The following SIN3A variants were observed in gnomAD, a reference collection of about 807,000 sequenced individuals.
SIN3A encodes SIN3 transcription regulator family member A.
Under a neutral mutation model 146.1 loss-of-function variants are expected in SIN3A, and 14 were observed. The observed-to-expected ratio is 0.10, with a 90% CI of 0.06 to 0.15. The LOEUF (loss-of-function observed/expected upper bound fraction) is 0.15, where lower values mean the gene tolerates loss of function less well. Among genes scored for constraint, SIN3A ranks in the 10% least tolerant of loss-of-function variants. The pLI is 1.00. For synonymous variants in SIN3A, 572 were observed against 572.0 expected, an observed-to-expected ratio of 1.00 and a Z score of 0.00; for missense variants, 1,028 against 1,576.0, an observed-to-expected ratio of 0.65 and a Z score of 5.89.
intron 12 of SIN3A, among the ~76,000 whole-genome samples, chr15:75,396,930 C>T (rs1402032122): frequency 6.6e-6 from 1 of 152,152 alleles, no homozygotes; most frequent in Non-Finnish European, 1.5e-5. Context: ...CAAACAATAA[C>T]AATCAAAACA....
chr15:75,422,558 G>A (rs766661237), intron 3 of SIN3A, 89 bp downstream of exon 3: 1 of 1,398,626 alleles, frequency 7.1e-7, no homozygotes, highest in South Asian at 1.2e-5. Flanking sequence ...TCTCAGGTTA[G>A]AAGTTGTACC....
At chr15:75,455,437 C>T (rs1476581516), upstream of SIN3A, among the ~76,000 whole-genome samples, 1 of 152,196 alleles carries the variant, frequency 6.6e-6, no homozygotes, top group Non-Finnish European at 1.5e-5. Flanking sequence ...GGGTCTCCTG[C>T]CCGCCCCTTC....
chr15:75,410,855 T>C (rs2073623743), intron 6 of SIN3A, among the ~76,000 whole-genome samples: 2 of 141,628 alleles, frequency 1.4e-5, no homozygotes, highest in Non-Finnish European at 3.1e-5. Flanking sequence ...GGCCAACATG[T>C]TGAAACCCCG....
intron 16 of SIN3A, chr15:75,388,406 C>G (rs1168078322): frequency 6.6e-6 from 1 of 152,354 alleles, no homozygotes; most frequent in African/African-American, 2.4e-5. Flanking sequence ...CTGGACCCAT[C>G]TGACCCATGG....
intron 8 of SIN3A, 48 bp downstream of exon 8, chr15:75,409,788 T>C (rs778385265): frequency 8.8e-6 from 14 of 1,586,128 alleles, no homozygotes; most frequent in South Asian, 4.4e-5. Context: ...ACCTCTCCAT[T>C]AGAAATACTT....
intron 2 of SIN3A, among the ~76,000 whole-genome samples, chr15:75,428,558 G>T (rs910878250): frequency 6.6e-6 from 1 of 151,924 alleles, no homozygotes; most frequent in Non-Finnish European, 1.5e-5. Flanking sequence ...CCCACGCTGG[G>T]TGCGGAAGCA....
upstream of SIN3A, among the ~76,000 whole-genome samples, chr15:75,452,197 G>A (rs974444413): frequency 3.3e-5 from 5 of 152,258 alleles, no homozygotes; most frequent in African/African-American, 1.2e-4. Context: ...CCAAGAGTCG[G>A]ATTGGATATC....
At chr15:75,406,476 A>G (rs1212749354) in intron 9 of SIN3A, among the ~76,000 whole-genome samples, 1 of 152,316 alleles carries the variant, frequency 6.6e-6, no homozygotes, top group Admixed American at 6.5e-5. Context: ...TCACGAGGTC[A>G]GGAGATCGAG....
At chr15:75,407,185 G>A in intron 8 of SIN3A, 41 bp from the exon 9 acceptor site, 1 of 1,332,528 alleles carries the variant, frequency 7.5e-7, no homozygotes, top group Non-Finnish European at 1.1e-6. Flanking sequence ...TCAACGAGTG[G>A]TTTTCTCTGA....
intron 1 of SIN3A, among the ~76,000 whole-genome samples, chr15:75,442,333 T>G (rs1013265597): frequency 3.4e-4 from 51 of 151,076 alleles, no homozygotes; most frequent in African/African-American, 1.1e-3. Context: ...TTTGATTGTT[T>G]TTTTTTTTCA....
intron 1 of SIN3A, among the ~76,000 whole-genome samples, chr15:75,443,158 G>T (rs893719047): frequency 6.6e-6 from 1 of 151,914 alleles, no homozygotes; most frequent in East Asian, 1.9e-4. Context: ...TAACTTTACC[G>T]TCATCCTAAC....
intron 3 of SIN3A, chr15:75,421,369 TA>T (rs1176119197): frequency 6.6e-6 from 1 of 152,196 alleles, no homozygotes; most frequent in African/African-American, 2.4e-5. Context: ...GCTTCAGGCC[TA>T]AAAAACCTGT....
At chr15:75,440,395 C>A (rs965157845) in intron 1 of SIN3A, among the ~76,000 whole-genome samples, 2 of 151,592 alleles carry the variant, frequency 1.3e-5, no homozygotes, top group East Asian at 4.0e-4. Flanking sequence ...CTACACCTGG[C>A]TAATTTTTGT....
chr15:75,383,040 T>C (rs903673390), intron 17 of SIN3A, among the ~76,000 whole-genome samples: 2 of 151,048 alleles, frequency 1.3e-5, no homozygotes, highest in Non-Finnish European at 2.9e-5. Flanking sequence ...TGAGCTGAAA[T>C]AGCACCACTG....
rs535260527 is a variant in SIN3A at position 75,411,663 on chromosome 15, C to A, written c.837G>T (p.Pro279=). Residue 279 remains proline, a synonymous_variant, in exon 6 of 21, where the codon CCG becomes CCT. Coordinates refer to ENST00000394947, the MANE Select transcript of SIN3A (RefSeq NM_001145358.2). ...LPPYASPRSP[P]VQPHTPVTIS... ...TTGTCACTGGTGTGTGAGGCTGGAC[C>A]GGCGGAGAACGTGGGGATGCATACG... 1.9e-6 allele frequency: 3 copies of A among 1,613,974 alleles called. No homozygotes were observed. In the South Asian group the frequency reaches 3.3e-5, roughly 18 times the overall value.
chr15:75,434,620 A>G (rs2074070992), intron 1 of SIN3A, among the ~76,000 whole-genome samples: 1 of 151,430 alleles, frequency 6.6e-6, no homozygotes, highest in Admixed American at 6.6e-5. Context: ...ACTGCACTCC[A>G]GCCTGGGCAA....
chr15:75,402,081 A>G, intron 9 of SIN3A, 111 bp from the exon 10 acceptor site: 1 of 685,532 alleles, frequency 1.5e-6, no homozygotes, highest in South Asian at 1.7e-5. Context: ...ATCTCAGCTC[A>G]CTGCAGCCTC....
chr15:75,409,381 T>C (rs1449095810), intron 8 of SIN3A, among the ~76,000 whole-genome samples: 2 of 152,120 alleles, frequency 1.3e-5, no homozygotes, highest in Admixed American at 6.6e-5. Context: ...AACTCTGCAC[T>C]GAGTTTCTGT....
In SIN3A at chr15:75,410,239, T is replaced by C. The variant is rs1319992488; in HGVS notation, c.1056A>G (p.Ala352=). ...GGGCATACACCTCCTGCTCTGTCAA[T>C]GCTGGAGTGTAGTTTCCTCCAGCTT... is the stretch of plus-strand genomic sequence containing the variant. ...AKEAGGNYTP[A]LTEQEVYAQV... is the part of the protein sequence containing the mutation. The change falls in exon 7 of 21, where the codon GCA becomes GCG. Residue 352 remains alanine (A), a synonymous_variant. Coordinates refer to ENST00000394947, the MANE Select transcript of SIN3A (RefSeq NM_001145358.2). 1 of 1,613,898 alleles carries C rather than the reference T, an allele frequency of 6.2e-7. No individual in the cohort carries two copies. The highest frequency in any genetic ancestry group is 8.5e-7 in the Non-Finnish European group (1 of 1,179,800).
Sources: allele counts gnomAD v4.1 joint callset (sites outside exome capture counted in the v4.1 genomes callset), GRCh38; gene constraint gnomAD v4.1.1; transcripts MANE v1.5; gene names NCBI Gene and HGNC (gene_info 2026-07-23, HGNC 2026-07-21).